The following PDE4D variants were observed in gnomAD, a reference collection of about 807,000 sequenced individuals.
The protein encoded by PDE4D is 3',5'-cyclic-AMP phosphodiesterase 4D.
A neutral mutation model predicts 87.4 loss-of-function variants in PDE4D; 24 were observed. That is an observed-to-expected ratio of 0.27 (90% CI 0.20 to 0.39). PDE4D has a LOEUF of 0.39. PDE4D is among the 10% of genes least tolerant of loss of function. PDE4D has a pLI of 1.00. For synonymous variants in PDE4D, 384 were observed against 383.2 expected (o/e 1.00, Z -0.02); for missense variants, 714 against 1,041.0 (o/e 0.69, Z 4.32).
At chr5:59,002,768 C>A (rs1209219358) in intron 6 of PDE4D, among the ~76,000 whole-genome samples, 1 of 152,116 alleles carries the variant, frequency 6.6e-6, no homozygotes, top group Non-Finnish European at 1.5e-5. Flanking sequence ...GACCAGTTAA[C>A]CCACAAAGCC....
intron 2 of PDE4D, among the ~76,000 whole-genome samples, chr5:60,051,461 T>C (rs930771313): frequency 2.4e-4 from 37 of 151,914 alleles, no homozygotes; most frequent in Non-Finnish European, 5.3e-4. Flanking sequence ...GAAATTAAGG[T>C]AGAAATAAAT....
At chr5:60,194,723 C>T (rs1741002123) in intron 1 of PDE4D, among the ~76,000 whole-genome samples, 1 of 151,622 alleles carries the variant, frequency 6.6e-6, no homozygotes, top group Non-Finnish European at 1.5e-5. Context: ...TATACTTTAA[C>T]CCGCCACATA....
At chr5:59,306,602 A>G (rs951691587) in intron 1 of PDE4D, among the ~76,000 whole-genome samples, 2 of 152,206 alleles carry the variant, frequency 1.3e-5, no homozygotes, top group African/African-American at 4.8e-5. Context: ...GTAAACTCCC[A>G]TTCACAATTG....
At chr5:59,368,311 A>G (rs1783403415) in intron 1 of PDE4D, among the ~76,000 whole-genome samples, 1 of 152,208 alleles carries the variant, frequency 6.6e-6, no homozygotes, top group Non-Finnish European at 1.5e-5. Context: ...CATTCGGTAA[A>G]TGAAAATTGA....
intron 3 of PDE4D, among the ~76,000 whole-genome samples, chr5:59,189,672 G>C (rs1052542032): frequency 5.3e-5 from 8 of 152,106 alleles, no homozygotes; most frequent in Non-Finnish European, 1.2e-4. Context: ...AAGAAAAAAA[G>C]GTCAGTTGCC....
intron 1 of PDE4D, among the ~76,000 whole-genome samples, chr5:59,712,393 CATATATATATATATATATATATATAT>C (rs5868190): frequency 4.9e-5 from 6 of 122,604 alleles, no homozygotes; most frequent in African/African-American, 1.2e-4. Context: ...TAATATTATT[CATATATATATATATATATATATATAT>C]ATATATATAT....
intron 1 of PDE4D, among the ~76,000 whole-genome samples, chr5:59,344,982 C>T (rs1562000360): frequency 6.6e-6 from 1 of 151,926 alleles, no homozygotes; most frequent in Non-Finnish European, 1.5e-5. Flanking sequence ...ACTTTATATG[C>T]CAGAAGCCGG....
At chr5:59,327,475 C>G (rs1775928627) in intron 1 of PDE4D, among the ~76,000 whole-genome samples, 1 of 151,940 alleles carries the variant, frequency 6.6e-6, no homozygotes, top group Non-Finnish European at 1.5e-5. Context: ...AGCGATAGCA[C>G]AAAGCATGAG....
intron 1 of PDE4D, among the ~76,000 whole-genome samples, chr5:59,384,448 G>C (rs184096811): frequency 6.6e-6 from 1 of 152,226 alleles, no homozygotes; most frequent in African/African-American, 2.4e-5. Context: ...CAAAGTCCAT[G>C]ATGGTAACTC....
chr5:59,970,149 T>TA (rs139553192), intron 3 of PDE4D, among the ~76,000 whole-genome samples: 3,088 of 152,246 alleles, frequency 0.02, 104 homozygotes, highest in African/African-American at 0.071. Context: ...TATGTTCCAG[T>TA]ATTAAAAGAG....
intron 1 of PDE4D, among the ~76,000 whole-genome samples, chr5:59,427,105 C>T (rs909054527): frequency 2.7e-5 from 4 of 148,766 alleles, no homozygotes; most frequent in Non-Finnish European, 5.9e-5. Context: ...ATTTCAGGTT[C>T]TCCTTTGCTG....
intron 2 of PDE4D, among the ~76,000 whole-genome samples, chr5:60,131,174 T>G (rs1779534786): frequency 6.6e-6 from 1 of 152,230 alleles, no homozygotes; most frequent in Non-Finnish European, 1.5e-5. Flanking sequence ...TTTCATTTAA[T>G]GTTTTCATTA....
intron 1 of PDE4D, among the ~76,000 whole-genome samples, chr5:59,304,057 T>C (rs750403595): frequency 4.6e-5 from 7 of 152,180 alleles, no homozygotes; most frequent in Admixed American, 6.5e-5. Context: ...GTATTGTCTA[T>C]GATTCCTTTC....
intron 2 of PDE4D, among the ~76,000 whole-genome samples, chr5:60,102,518 T>C (rs1311087098): frequency 6.6e-6 from 1 of 152,156 alleles, no homozygotes; most frequent in African/African-American, 2.4e-5. Flanking sequence ...GTGCTCTAAA[T>C]AAATTCAGAG....
chr5:59,174,341 A>G (rs1166766669), intron 5 of PDE4D: 4 of 152,596 alleles, frequency 2.6e-5, no homozygotes, highest in African/African-American at 7.2e-5. Flanking sequence ...AAAGGAATGA[A>G]GACTTAGACC....
chr5:60,212,542 A>C (rs1309389346), intron 1 of PDE4D, among the ~76,000 whole-genome samples: 1 of 152,198 alleles, frequency 6.6e-6, no homozygotes, highest in Non-Finnish European at 1.5e-5. Context: ...AGTTGTAAGC[A>C]ATATGTAGGT....
In PDE4D at chr5:59,586,417, C is replaced by A. The variant is rs369106859; in HGVS notation, c.455+306751G>T. The A allele has an allele frequency of 6.9e-6, 11 of 1,601,522 alleles. No homozygotes were observed. In the East Asian group the frequency reaches 2.5e-4, roughly 36 times the overall value. On this transcript the variant is annotated intron_variant, in intron 1 of 14. Coordinates refer to ENST00000340635, the MANE Select transcript of PDE4D (RefSeq NM_001104631.2). ...TCATTAATATTTTTCTTGTCTCCTACGTTACATGTAGTGATTTTTACAGAT... is the reference window on the plus strand; with the variant it reads ...TCATTAATATTTTTCTTGTCTCCTAAGTTACATGTAGTGATTTTTACAGAT...
intron 2 of PDE4D, among the ~76,000 whole-genome samples, chr5:60,014,093 A>G (rs1438167747): frequency 2.2e-5 from 2 of 92,946 alleles, no homozygotes; most frequent in East Asian, 4.9e-4. Flanking sequence ...CTCCACCTTA[A>G]AAAAAAAAAA....
intron 5 of PDE4D, among the ~76,000 whole-genome samples, chr5:59,176,944 G>C (rs1235951776): frequency 6.6e-6 from 1 of 152,082 alleles, no homozygotes; most frequent in African/African-American, 2.4e-5. Context: ...CATCCATTTT[G>C]GCCAATTTAA....
Sources: allele counts gnomAD v4.1 joint callset (sites outside exome capture counted in the v4.1 genomes callset), GRCh38; gene constraint gnomAD v4.1.1; transcripts MANE v1.5; gene names NCBI Gene and HGNC (gene_info 2026-07-23, HGNC 2026-07-21).